LGR5: variants seen among roughly 807,000 people sequenced by gnomAD.
LGR5 encodes leucine rich repeat containing G protein-coupled receptor 5.
In LGR5, 54 loss-of-function variants were observed where a neutral mutation model predicts 76.7. The observed-to-expected ratio is 0.70, with a 90% CI of 0.57 to 0.88. The LOEUF (loss-of-function observed/expected upper bound fraction) is 0.88. LGR5 is among the 40% of genes least tolerant of loss of function. LGR5 has a pLI of 0.00. For synonymous variants in LGR5, 406 were observed against 421.9 expected (o/e 0.96, Z 0.46); for missense variants, 1,078 against 1,073.3 (o/e 1.00, Z -0.06).
Position 71,584,248 on chromosome 12 carries a change from G to A in LGR5, c.2238G>A (p.Lys746=). The part of the protein sequence containing the change: ...CFLMMTIAYT[K]LYCNLDKGDL... Reference sequence around the variant, plus strand: ...TCATGATGACCATTGCCTACACCAAGCTCTACTGCAATTTGGACAAGGGAG... The same window carrying A: ...TCATGATGACCATTGCCTACACCAAACTCTACTGCAATTTGGACAAGGGAG... Residue 746 remains lysine (K), a synonymous_variant, in exon 18 of 18, where the codon AAG becomes AAA. Transcript: ENST00000266674. The A allele has an allele frequency of 6.2e-7, 1 of 1,614,150 alleles. No individual in the cohort carries two copies. The highest frequency in any genetic ancestry group is 8.5e-7 in the Non-Finnish European group (1 of 1,180,024).
In LGR5 at chr12:71,584,279, G is replaced by T; in HGVS notation, c.2269G>T (p.Glu757Ter). 1 of 1,614,174 alleles carries T rather than the reference G, an allele frequency of 6.2e-7. No homozygotes were observed. Among genetic ancestry groups the T allele is most frequent in the Non-Finnish European group, 8.5e-7 (1 of 1,180,018 alleles). Residue 757 changes from glutamate (E) to a stop codon, truncating the protein, a stop_gained, in exon 18 of 18, where the codon GAG (glutamate) becomes TAG (stop). Transcript: ENST00000266674. LOFTEE classifies it high-confidence loss of function. ...CTGCAATTTGGACAAGGGAGACCTG[G>T]AGAATATTTGGGACTGCTCTATGGT... ...LYCNLDKGDL[E>*]NIWDCSMVKH... is the part of the protein sequence containing the mutation.
intron 1 of LGR5, among the ~76,000 whole-genome samples, chr12:71,502,866 A>G (rs1190732681): frequency 6.6e-6 from 1 of 152,230 alleles, no homozygotes; most frequent in African/African-American, 2.4e-5. Flanking sequence ...GTAAATGACT[A>G]TGTTCTATTT....
In LGR5 at chr12:71,444,007, T is replaced by C. The variant is rs113162069; in HGVS notation, c.212+3715T>C. On this transcript the variant is annotated intron_variant, in intron 1 of 17. Transcript: ENST00000266674. ...TACACATAACTCCTAAAACTAATGT[T>C]AATAAGAATGGAACAAAAGCCACAA... Among the ~76,000 whole-genome samples the C allele has an allele frequency of 7.0e-3, 1,061 of 152,140 alleles. 15 individuals carry two copies. The highest frequency in any genetic ancestry group is 0.024 in the African/African-American group (997 of 41,542).
rs115826874 is a variant in LGR5 at position 71,555,659 on chromosome 12, G to A, written c.645-960G>A. Among the ~76,000 whole-genome samples the A allele has an allele frequency of 4.6e-3, 698 of 152,292 alleles. 7 individuals are homozygous for A. The highest frequency in any genetic ancestry group is 0.016 in the African/African-American group (671 of 41,574). On this transcript the variant is annotated intron_variant, in intron 5 of 17. Transcript: ENST00000266674. ...ATCCTCCAGGTGTCAATGATGGTCAGTATCTCTGCTTAACATCCTATATCC... is the reference window on the plus strand; with the variant it reads ...ATCCTCCAGGTGTCAATGATGGTCAATATCTCTGCTTAACATCCTATATCC...
intron 1 of LGR5, among the ~76,000 whole-genome samples, chr12:71,449,759 T>C (rs1402754566): frequency 6.6e-6 from 1 of 152,252 alleles, no homozygotes; most frequent in Non-Finnish European, 1.5e-5. Context: ...TTAATTATAA[T>C]AAACTTAATT....
chr12:71,578,906 A>T lies in LGR5; in HGVS notation c.1383A>T (p.Ser461=). ...TGNHALQSLI[S]SENFPELKVI... Reference sequence around the variant, plus strand: ...ATCATGCCTTACAGAGCTTGATATCATCTGAAAACTTTCCAGAACTCAAGT... The same window carrying T: ...ATCATGCCTTACAGAGCTTGATATCTTCTGAAAACTTTCCAGAACTCAAGT... The change falls in exon 15 of 18, where the codon TCA becomes TCT. Residue 461 remains serine (S), a synonymous_variant. Coordinates refer to ENST00000266674, the MANE Select transcript of LGR5 (RefSeq NM_003667.4). 1 of 1,606,280 alleles carries T rather than the reference A, an allele frequency of 6.2e-7. No individual in the cohort carries two copies. Among genetic ancestry groups the T allele is most frequent in the Non-Finnish European group, 8.5e-7 (1 of 1,176,666 alleles).
At chr12:71,546,333 T>TATATATATAC (rs1454158758) in intron 4 of LGR5, among the ~76,000 whole-genome samples, 2 of 151,528 alleles carry the variant, frequency 1.3e-5, no homozygotes, top group East Asian at 3.9e-4. Flanking sequence ...TATATATATA[T>TATATATATAC]ATTAACTGTT....
intron 2 of LGR5, among the ~76,000 whole-genome samples, chr12:71,508,233 A>G (rs1874957688): frequency 1.3e-5 from 2 of 152,072 alleles, no homozygotes; most frequent in Admixed American, 6.5e-5. Flanking sequence ...TCTCAAAAAC[A>G]AACAAAAAAA....
At chr12:71,504,005 C>T (rs1317117884) in intron 1 of LGR5, among the ~76,000 whole-genome samples, 1 of 152,178 alleles carries the variant, frequency 6.6e-6, no homozygotes, top group Non-Finnish European at 1.5e-5. Context: ...GCAGGCCCAG[C>T]AGGAAGTGTG....
intron 1 of LGR5, among the ~76,000 whole-genome samples, chr12:71,495,986 G>A (rs968324519): frequency 2.4e-4 from 37 of 152,138 alleles, no homozygotes; most frequent in Non-Finnish European, 1.6e-4. Flanking sequence ...TCAAAGTCAC[G>A]TGAAAAGATG....
intron 8 of LGR5, among the ~76,000 whole-genome samples, chr12:71,563,129 CCA>C (rs1173128682): frequency 1.6e-4 from 24 of 152,050 alleles, no homozygotes; most frequent in Non-Finnish European, 3.1e-4. Context: ...GGCGCCAACC[CCA>C]ACTCTATATA....
intron 11 of LGR5, among the ~76,000 whole-genome samples, chr12:71,570,559 T>G (rs2137452800): frequency 6.6e-6 from 1 of 152,266 alleles, no homozygotes; most frequent in South Asian, 2.1e-4. Flanking sequence ...AATAATCAGG[T>G]ATATTTGTGC....
intron 4 of LGR5, among the ~76,000 whole-genome samples, chr12:71,546,317 AAT>A (rs57093154): frequency 2.8e-4 from 41 of 148,892 alleles, no homozygotes; most frequent in African/African-American, 9.6e-4. Context: ...TCAGTCTCAA[AAT>A]ATATATATAT....
chr12:71,531,799 C>A (rs750854503), intron 3 of LGR5, among the ~76,000 whole-genome samples: 2 of 152,030 alleles, frequency 1.3e-5, no homozygotes, highest in Non-Finnish European at 2.9e-5. Context: ...ACCCGGGAGG[C>A]GGAGGTTGCA....
intron 1 of LGR5, among the ~76,000 whole-genome samples, chr12:71,444,944 A>T (rs367599630): frequency 4.6e-5 from 7 of 152,256 alleles, no homozygotes; most frequent in African/African-American, 1.7e-4. Context: ...TTAGCAAAGC[A>T]TTTTTTTATA....
intron 4 of LGR5, among the ~76,000 whole-genome samples, chr12:71,540,080 C>T (rs1040825608): frequency 2.6e-5 from 4 of 152,162 alleles, no homozygotes; most frequent in African/African-American, 4.8e-5. Context: ...AATCAGATTA[C>T]AGTGATTTGA....
At chr12:71,489,427 A>G (rs1592484428) in intron 1 of LGR5, among the ~76,000 whole-genome samples, 2 of 152,134 alleles carry the variant, frequency 1.3e-5, no homozygotes, top group Non-Finnish European at 2.9e-5. Context: ...TGTTGTTCCA[A>G]TTCAGGTGCA....
intron 2 of LGR5, among the ~76,000 whole-genome samples, chr12:71,521,848 T>C (rs1875742145): frequency 1.3e-5 from 2 of 152,216 alleles, no homozygotes; most frequent in African/African-American, 4.8e-5. Flanking sequence ...TCATGTGTCA[T>C]AAGACAAGTA....
intron 1 of LGR5, among the ~76,000 whole-genome samples, chr12:71,496,391 A>AAAAAAG (rs1555169618): frequency 8.7e-6 from 1 of 115,066 alleles, no homozygotes. Context: ...AAAAAAAAAA[A>AAAAAAG]AGAGAGAGAG....
Sources: allele counts gnomAD v4.1 joint callset (sites outside exome capture counted in the v4.1 genomes callset), GRCh38; gene constraint gnomAD v4.1.1; transcripts MANE v1.5; gene names NCBI Gene and HGNC (gene_info 2026-07-23, HGNC 2026-07-21).